The following B3GALT1 variants were observed in gnomAD, a reference collection of about 807,000 sequenced individuals.
B3GALT1 encodes the protein UDP-Gal:betaGlcNAc beta 1,3-galactosyltransferase, polypeptide 1.
Under a neutral mutation model 23.2 loss-of-function variants are expected in B3GALT1, and 10 were observed. That is an observed-to-expected ratio of 0.43 (90% CI 0.27 to 0.73). The LOEUF (loss-of-function observed/expected upper bound fraction) is 0.73, where lower values mean the gene tolerates loss of function less well. B3GALT1 is among the 30% of genes least tolerant of loss of function. The pLI is 0.21. For synonymous variants in B3GALT1, 156 were observed against 141.5 expected, an observed-to-expected ratio of 1.10 and a Z score of -0.73; for missense variants, 299 against 405.4, an observed-to-expected ratio of 0.74 and a Z score of 2.25.
At chr2:167,706,700 C>T (rs1300584236) in intron 3 of B3GALT1, among the ~76,000 whole-genome samples, 1 of 152,184 alleles carries the variant, frequency 6.6e-6, no homozygotes, top group Non-Finnish European at 1.5e-5. Flanking sequence ...TGGAATATCC[C>T]CAGTGGTCCC....
At chr2:167,831,079 C>T (rs917460241) in intron 4 of B3GALT1, among the ~76,000 whole-genome samples, 3 of 152,172 alleles carry the variant, frequency 2.0e-5, no homozygotes, top group African/African-American at 7.2e-5. Context: ...TGTCACATAG[C>T]CCCAAAGCCA....
chr2:167,324,021 A>G (rs1178233245), intron 1 of B3GALT1, among the ~76,000 whole-genome samples: 1 of 151,972 alleles, frequency 6.6e-6, no homozygotes, highest in African/African-American at 2.4e-5. Flanking sequence ...AATCCAGGCC[A>G]CAGTCGTCTT....
intron 2 of B3GALT1, among the ~76,000 whole-genome samples, chr2:167,636,239 G>C (rs1166497303): frequency 6.6e-6 from 1 of 151,890 alleles, no homozygotes; most frequent in Non-Finnish European, 1.5e-5. Flanking sequence ...GGTGAGCATG[G>C]CAGGGCAGGA....
intron 2 of B3GALT1, among the ~76,000 whole-genome samples, chr2:167,598,431 A>T (rs1442827355): frequency 2.0e-5 from 3 of 152,206 alleles, no homozygotes; most frequent in African/African-American, 7.2e-5. Flanking sequence ...GAGTGACAAA[A>T]GGATTCAATA....
At chr2:167,862,775 A>G (rs950324972) in intron 4 of B3GALT1, 5 of 152,224 alleles carry the variant, frequency 3.3e-5, no homozygotes, top group Admixed American at 6.5e-5. Context: ...ATTATTCAGA[A>G]TAACAGACAA....
intron 1 of B3GALT1, among the ~76,000 whole-genome samples, chr2:167,440,933 TTAAAA>T (rs1698884139): frequency 6.6e-6 from 1 of 152,230 alleles, no homozygotes; most frequent in Admixed American, 6.5e-5. Context: ...TTTTGAACCT[TTAAAA>T]TAATGATCAG....
chr2:167,718,846 T>G (rs1343768262), intron 3 of B3GALT1, among the ~76,000 whole-genome samples: 1 of 152,134 alleles, frequency 6.6e-6, no homozygotes, highest in Non-Finnish European at 1.5e-5. Context: ...AAAATGACCT[T>G]TCTAATAAGT....
At chr2:167,762,937 T>C (rs1687918577) in intron 3 of B3GALT1, among the ~76,000 whole-genome samples, 1 of 152,202 alleles carries the variant, frequency 6.6e-6, no homozygotes, top group African/African-American at 2.4e-5. Flanking sequence ...TCTGTTAGAT[T>C]TGTGATTCTG....
intron 2 of B3GALT1, among the ~76,000 whole-genome samples, chr2:167,542,883 A>G (rs1433963925): frequency 6.6e-6 from 1 of 151,376 alleles, no homozygotes; most frequent in African/African-American, 2.4e-5. Flanking sequence ...TATATTGTTT[A>G]TTTATTTGTA....
intron 3 of B3GALT1, among the ~76,000 whole-genome samples, chr2:167,696,615 T>A (rs11690497): frequency 6.6e-6 from 1 of 152,044 alleles, no homozygotes. Context: ...TTCTATAGAC[T>A]TTTCCCACTT....
At chr2:167,459,792 G>A (rs1274991993) in intron 1 of B3GALT1, among the ~76,000 whole-genome samples, 2 of 152,118 alleles carry the variant, frequency 1.3e-5, no homozygotes, top group East Asian at 1.9e-4. Context: ...AGGTGCAGTG[G>A]TAATGAACTT....
chr2:167,578,310 G>A (rs547324338), intron 2 of B3GALT1, among the ~76,000 whole-genome samples: 1 of 152,068 alleles, frequency 6.6e-6, no homozygotes, highest in Non-Finnish European at 1.5e-5. Flanking sequence ...TTAGTGAAAA[G>A]TTCTAGGACT....
intron 2 of B3GALT1, among the ~76,000 whole-genome samples, chr2:167,543,300 A>G (rs566383560): frequency 9.8e-5 from 15 of 152,326 alleles, no homozygotes; most frequent in Admixed American, 9.1e-4. Context: ...TATTTTGAGC[A>G]AAGATTATAT....
chr2:167,730,522 C>G (rs914193263), intron 3 of B3GALT1, among the ~76,000 whole-genome samples: 1 of 152,154 alleles, frequency 6.6e-6, no homozygotes, highest in Admixed American at 6.5e-5. Flanking sequence ...TTTACCAAGG[C>G]AGAGACAGGC....
At chr2:167,666,402 G>A (rs1169681973) in intron 3 of B3GALT1, among the ~76,000 whole-genome samples, 1 of 152,044 alleles carries the variant, frequency 6.6e-6, no homozygotes, top group Non-Finnish European at 1.5e-5. Context: ...GGTGTGGTGT[G>A]GTGCTGAAAA....
rs145424113 is a variant in B3GALT1 at position 167,375,383 on chromosome 2, A to G, written c.-511+82049A>G. On this transcript the variant is annotated intron_variant, in intron 1 of 4. Transcript: ENST00000392690. Reference sequence around the variant, plus strand: ...TTTTTCCAATTCTGTGAAAAATGGCATTGGTAGTTTGATAGGAATAGCGTT... The same window carrying G: ...TTTTTCCAATTCTGTGAAAAATGGCGTTGGTAGTTTGATAGGAATAGCGTT... Among the ~76,000 whole-genome samples, 39 of 152,178 alleles carry G rather than the reference A, an allele frequency of 2.6e-4. No individual in the cohort carries two copies. The East Asian group carries it at 6.8e-3, about 26-fold the overall frequency.
At chr2:167,306,607 T>C (rs1696555954) in intron 1 of B3GALT1, among the ~76,000 whole-genome samples, 1 of 152,006 alleles carries the variant, frequency 6.6e-6, no homozygotes, top group Non-Finnish European at 1.5e-5. Flanking sequence ...TTCATCTCCT[T>C]ATATAGGTGA....
At chr2:167,667,999 G>A (rs547750910) in intron 3 of B3GALT1, among the ~76,000 whole-genome samples, 20 of 152,220 alleles carry the variant, frequency 1.3e-4, no homozygotes, top group Admixed American at 1.1e-3. Flanking sequence ...GAGGAGCTGC[G>A]TTCCTTTGGA....
chr2:167,785,836 C>T (rs779300684), intron 3 of B3GALT1, among the ~76,000 whole-genome samples: 14 of 152,114 alleles, frequency 9.2e-5, no homozygotes, highest in Non-Finnish European at 1.8e-4. Flanking sequence ...GCTCTTTGTT[C>T]GTGAAGTCCT....
Sources: allele counts gnomAD v4.1 joint callset (sites outside exome capture counted in the v4.1 genomes callset), GRCh38; gene constraint gnomAD v4.1.1; transcripts MANE v1.5; gene names NCBI Gene and HGNC (gene_info 2026-07-23, HGNC 2026-07-21).